PCDHGC5: variants seen among roughly 807,000 people sequenced by gnomAD.
PCDHGC5 encodes the protein protocadherin gamma subfamily C, 5.
A neutral mutation model predicts 59.0 loss-of-function variants in PCDHGC5; 25 were observed. The ratio of observed to expected loss-of-function variants is 0.42; its 90% confidence interval spans 0.31 to 0.59. PCDHGC5 has a LOEUF of 0.59. PCDHGC5 is among the 20% of genes least tolerant of loss of function. The probability of loss-of-function intolerance (pLI) is 0.13; values close to 1 mark genes in which losing one functional copy is unlikely to be tolerated. For missense variants in PCDHGC5, 1,067 were observed against 1,206.4 expected (o/e 0.88, Z 1.71); for synonymous variants, 434 against 505.5 (o/e 0.86, Z 1.90).
Position 141,511,429 on chromosome 5 carries a change from G to A in PCDHGC5, c.*256G>A, listed in dbSNP as rs1414641314. 1.3e-6 allele frequency: 1 copy of A among 769,620 alleles called. No individual in the cohort carries two copies. The highest frequency in any genetic ancestry group is 2.0e-6 in the Non-Finnish European group (1 of 505,154). The allele number at this position is 769,620 out of a possible 1,614,324, so 47.7% of individuals were successfully genotyped here. On this transcript the variant is annotated 3_prime_UTR_variant, in exon 4 of 4. Transcript: ENST00000252087. The stretch of plus-strand genomic sequence containing the variant: ...CTGCTGTACCCATGGGGGTAGTGGG[G>A]TTACTGTAGACACCAAGAACCATTT...
Position 141,489,866 on chromosome 5 carries a change from A to AGCTGGT in PCDHGC5, c.630_635dup (p.Val211_Leu212dup). ...GATCGTGAAGCCCAGGCAAGACATC[A>AGCTGGT]GCTGGTGCTTACTGCTGTGGATGGG... On this transcript the variant is annotated inframe_insertion, in exon 1 of 4. Coordinates refer to ENST00000252087, the MANE Select transcript of PCDHGC5 (RefSeq NM_018929.3). The surrounding 1 kb of genome is among the most constrained non-coding windows in gnomAD (Gnocchi z 4.5). The AGCTGGT allele has an allele frequency of 1.2e-6, 2 of 1,614,220 alleles. No individual in the cohort carries two copies. The highest frequency in any genetic ancestry group is 1.7e-6 in the Non-Finnish European group (2 of 1,180,018).
chr5:141,494,153 G>T (rs2099752286), intron 1 of PCDHGC5, among the ~76,000 whole-genome samples: 1 of 152,186 alleles, frequency 6.6e-6, no homozygotes, highest in Non-Finnish European at 1.5e-5. Flanking sequence ...CCATTGTCTG[G>T]CACGGAGTTC....
rs113648128 is a variant in PCDHGC5, at chr5:141,491,811, C to T, written c.2460+111C>T. ...CACTCCTCTCCGGCCGGCTTGGTCG[C>T]TGGCTGCGCTCCACCCGATTCTCGG... On this transcript the variant is annotated intron_variant, in intron 1 of 3. Transcript: ENST00000252087. The surrounding 1 kb of genome is among the most constrained non-coding windows in gnomAD (Gnocchi z 6.9). 6.7e-7 allele frequency: 1 copy of T among 1,487,262 alleles called. No homozygotes were observed. The highest frequency in any genetic ancestry group is 1.4e-5 in the African/African-American group (1 of 70,544). 92.1% of individuals were successfully genotyped at this position (1,487,262 alleles called of 1,614,324 possible).
rs2099684984 is a variant in PCDHGC5 at position 141,489,278 on chromosome 5, G to A, written c.38G>A (p.Trp13Ter). ...ACACTCCCACAGCTCGCTGGGAAAT[G>A]GCAAGTGCTGTGCATGTTGTCCTTG... is the stretch of plus-strand genomic sequence containing the variant. ...PKTLPQLAGK[W>*]QVLCMLSLCC... The change falls in exon 1 of 4, where the codon TGG becomes TAG. Residue 13 changes from tryptophan to a stop codon, truncating the protein, a stop_gained. Transcript: ENST00000252087. LOFTEE classifies it high-confidence loss of function. The surrounding 1 kb of genome is among the most constrained non-coding windows in gnomAD (Gnocchi z 4.5). The A allele has an allele frequency of 6.4e-7, 1 of 1,561,298 alleles. No homozygotes were observed. The highest frequency in any genetic ancestry group is 2.2e-5 in the East Asian group (1 of 44,520).
rs1265422100 is a variant in PCDHGC5 at position 141,490,199 on chromosome 5, C to A, written c.959C>A (p.Ala320Glu). Residue 320 changes from alanine (A) to glutamate (E), a missense_variant, in exon 1 of 4, where the codon GCA becomes GAA. Transcript: ENST00000252087. This position sits in a 1 kb window ranked among gnomAD's most constrained non-coding sequence, Gnocchi z 5.4. The stretch of plus-strand genomic sequence containing the variant: ...GAGTCACGTTTCTATGAAATTCATG[C>A]AAGAGCCCGTGACCAGGGACAGCCT... Reference protein sequence around the residue: ...FEESRFYEIHARARDQGQPAM... With the variant: ...FEESRFYEIHERARDQGQPAM... The A allele has an allele frequency of 1.9e-6, 3 of 1,614,184 alleles. No homozygotes were observed. The highest frequency in any genetic ancestry group is 2.5e-6 in the Non-Finnish European group (3 of 1,180,024).
intron 2 of PCDHGC5, among the ~76,000 whole-genome samples, chr5:141,496,230 C>T (rs1336418553): frequency 2.6e-5 from 4 of 152,160 alleles, no homozygotes; most frequent in Admixed American, 2.0e-4. Flanking sequence ...AGACAGGAAC[C>T]CCCTGCGGGC....
chr5:141,490,960 T>C lies in PCDHGC5; in HGVS notation c.1720T>C (p.Ser574Pro). 1.9e-6 allele frequency: 3 copies of C among 1,613,794 alleles called. No homozygotes were observed. The highest frequency in any genetic ancestry group is 2.2e-5 in the South Asian group (2 of 91,030). The change falls in exon 1 of 4, where the codon TCA becomes CCA. Residue 574 changes from serine (S) to proline (P), a missense_variant. Transcript: ENST00000252087. The surrounding 1 kb of genome is among the most constrained non-coding windows in gnomAD (Gnocchi z 5.4). The part of the protein sequence containing the change: ...VLHPRPDWEH[S>P]APQRLPRSAP... ...GCACCCACGGCCAGACTGGGAACACTCAGCCCCCCAGCGTCTCCCTCGCTC... is the reference window on the plus strand; with the variant it reads ...GCACCCACGGCCAGACTGGGAACACCCAGCCCCCCAGCGTCTCCCTCGCTC...
rs773899530 is a variant in PCDHGC5 at position 141,494,864 on chromosome 5, G to C, written c.2518G>C (p.Gly840Arg). ...FSQAQRPGTS[G>R]SQNGDDTGTW... ...TCAGGCCCAGAGACCCGGCACCAGCGGGTAGGTGACTGATTCTCCAGCCCA... is the reference window on the plus strand; with the variant it reads ...TCAGGCCCAGAGACCCGGCACCAGCCGGTAGGTGACTGATTCTCCAGCCCA... The change falls in exon 2 of 4, where the codon GGC becomes CGC. Residue 840 changes from glycine (G) to arginine (R), a missense_variant and splice_region_variant. Transcript: ENST00000252087. The C allele has an allele frequency of 1.2e-6, 2 of 1,614,068 alleles. No individual in the cohort carries two copies. Among genetic ancestry groups the C allele is most frequent in the Middle Eastern group, 1.6e-4 (1 of 6,062 alleles).
At chr5:141,496,402 G>T (rs551923899) in intron 2 of PCDHGC5, among the ~76,000 whole-genome samples, 183 of 152,248 alleles carry the variant, frequency 1.2e-3, no homozygotes, top group African/African-American at 4.0e-3. Flanking sequence ...CCTCCTCAAT[G>T]GTTGAGTACT....
chr5:141,493,679 G>C lies in PCDHGC5; in HGVS notation c.2461-1128G>C. On this transcript the variant is annotated intron_variant, in intron 1 of 3. Transcript: ENST00000252087. This position sits in a 1 kb window ranked among gnomAD's most constrained non-coding sequence, Gnocchi z 4.3. ...CCTTCTCCATGGCAGCCCCAGAATG[G>C]TGCTGGTGACTCCCGATACACCTGG... Among the ~76,000 whole-genome samples the C allele has an allele frequency of 6.6e-6, 1 of 152,198 alleles. No individual in the cohort carries two copies. Among genetic ancestry groups the C allele is most frequent in the African/African-American group, 2.4e-5 (1 of 41,446 alleles).
chr5:141,490,249 C>T lies in PCDHGC5; in HGVS notation c.1009C>T (p.Gln337Ter), dbSNP rs2099697737. Residue 337 changes from glutamine (Q) to a stop codon, truncating the protein, a stop_gained, in exon 1 of 4, where the codon CAA (glutamine) becomes TAA (stop). Coordinates refer to ENST00000252087, the MANE Select transcript of PCDHGC5 (RefSeq NM_018929.3). LOFTEE classifies it high-confidence loss of function. The surrounding 1 kb of genome is among the most constrained non-coding windows in gnomAD (Gnocchi z 5.4). ...QPAMEGHCVI[Q>*]VDVGDVNDNA... ...TGCCATGGAGGGCCACTGTGTGATT[C>T]AAGTGGATGTGGGGGATGTCAATGA... The T allele has an allele frequency of 1.2e-6, 2 of 1,614,218 alleles. No individual in the cohort carries two copies. The highest frequency in any genetic ancestry group is 1.7e-6 in the Non-Finnish European group (2 of 1,180,044).
In PCDHGC5 at chr5:141,490,498, T is replaced by C. The variant is rs544031284; in HGVS notation, c.1258T>C (p.Tyr420His). The change falls in exon 1 of 4, where the codon TAT becomes CAT. Residue 420 changes from tyrosine (Y) to histidine (H), a missense_variant. Tyr to His is a moderately conservative substitution (Grantham distance 83). Coordinates refer to ENST00000252087, the MANE Select transcript of PCDHGC5 (RefSeq NM_018929.3). This position sits in a 1 kb window ranked among gnomAD's most constrained non-coding sequence, Gnocchi z 5.4. ...TTTGGACCGGGAGGCCACATCCCAC[T>C]ATATCATCGAGCTGCTGGCCAGCGA... ...QPLDREATSH[Y>H]IIELLASDAG... 1.2e-6 allele frequency: 2 copies of C among 1,614,132 alleles called. No individual in the cohort carries two copies. Among genetic ancestry groups the C allele is most frequent in the African/African-American group, 1.3e-5 (1 of 75,038 alleles).
At chr5:141,509,322 C>G (rs563556144) in intron 3 of PCDHGC5, among the ~76,000 whole-genome samples, 1 of 152,318 alleles carries the variant, frequency 6.6e-6, no homozygotes, top group East Asian at 1.9e-4. Flanking sequence ...GAGAGAAGCT[C>G]TACTGCCAGC....
At chr5:141,501,600 C>G (rs1320824291) in intron 2 of PCDHGC5, among the ~76,000 whole-genome samples, 1 of 152,040 alleles carries the variant, frequency 6.6e-6, no homozygotes, top group Admixed American at 6.6e-5. Flanking sequence ...TCTACCAGTT[C>G]CAGCTGTGTG....
At chr5:141,502,134 C>T (rs566073996) in intron 2 of PCDHGC5, among the ~76,000 whole-genome samples, 10 of 152,288 alleles carry the variant, frequency 6.6e-5, no homozygotes, top group African/African-American at 2.2e-4. Flanking sequence ...AGAGCTCAGT[C>T]GGGCCGGAAG....
rs765754054 is a variant in PCDHGC5 at position 141,503,598 on chromosome 5, CA to C, written c.2520-1779del. Among the ~76,000 whole-genome samples, 277 of 65,728 alleles carry C rather than the reference CA, an allele frequency of 4.2e-3. 2 individuals are homozygous for C. The highest frequency in any genetic ancestry group is 0.012 in the Middle Eastern group (1 of 86). The allele number at this position is 65,728 out of a possible 152,430, so 43.1% of individuals were successfully genotyped here. A position where few individuals can be genotyped will look rare whatever the true frequency, so the allele number is the denominator to read the frequency against. ...TGGGTGACAGAGCGAGACTCCAGCT[CA>C]AAAAAAAAAAAAAAAGAAAAAAGAA... On this transcript the variant is annotated intron_variant, in intron 2 of 3. Coordinates refer to ENST00000252087, the MANE Select transcript of PCDHGC5 (RefSeq NM_018929.3).
Position 141,505,229 on chromosome 5 carries a change from G to T in PCDHGC5, c.2520-164G>T, listed in dbSNP as rs116169437. 9.5e-4 allele frequency: 809 copies of T among 847,460 alleles called. 6 individuals carry two copies. In the African/African-American group the frequency reaches 0.013, roughly 13 times the overall value. 52.5% of individuals were successfully genotyped at this position (847,460 alleles called of 1,614,324 possible). ...TGAGGGACTGACTTGTGGGATTCTG[G>T]CTTCTGAAGGATTGTAGAAGTGCCT... On this transcript the variant is annotated intron_variant, in intron 2 of 3. Coordinates refer to ENST00000252087, the MANE Select transcript of PCDHGC5 (RefSeq NM_018929.3).
chr5:141,497,111 G>A (rs899232924), intron 2 of PCDHGC5, among the ~76,000 whole-genome samples: 16 of 152,010 alleles, frequency 1.1e-4, no homozygotes, highest in Non-Finnish European at 1.2e-4. Context: ...GCTTGAACCC[G>A]GAAGGCAGAG....
chr5:141,490,688 CTG>C lies in PCDHGC5; in HGVS notation c.1449_1450del (p.Asp485Ter). 6.2e-7 allele frequency: 1 copy of C among 1,614,218 alleles called. No homozygotes were observed. On this transcript the variant is annotated frameshift_variant, in exon 1 of 4. Coordinates refer to ENST00000252087, the MANE Select transcript of PCDHGC5 (RefSeq NM_018929.3). LOFTEE classifies it high-confidence loss of function. This position sits in a 1 kb window ranked among gnomAD's most constrained non-coding sequence, Gnocchi z 5.4. ...ACTGTGGCTGCCTCAGATCCAGACA[CTG>C]GGGATAATGCCCGCCTCACCTACTC... is the stretch of plus-strand genomic sequence containing the variant.
Sources: gnomAD v4.1 joint callset for allele counts (sites outside exome capture counted in the v4.1 genomes callset) on GRCh38, gnomAD v4.1.1 for gene constraint, Gnocchi (gnomAD v3.1) non-coding constraint, MANE v1.5 for transcripts, NCBI Gene and HGNC (gene_info 2026-07-23, HGNC 2026-07-21) for gene names.